Variants in PRKCA observed in about 807,000 individuals in gnomAD.
PRKCA encodes protein kinase C alpha type.
A neutral mutation model predicts 87.0 loss-of-function variants in PRKCA; 27 were observed. The observed-to-expected ratio is 0.31, with a 90% CI of 0.23 to 0.43. The LOEUF (loss-of-function observed/expected upper bound fraction) is 0.43. Ranked by LOEUF, PRKCA falls within the 20% of genes least tolerant of loss-of-function variation. The probability of loss-of-function intolerance (pLI) is 1.00; values close to 1 mark genes in which losing one functional copy is unlikely to be tolerated. For synonymous variants in PRKCA, 329 were observed against 311.1 expected, an observed-to-expected ratio of 1.06 and a Z score of -0.61; for missense variants, 518 against 852.3, an observed-to-expected ratio of 0.61 and a Z score of 4.88.
At chr17:66,535,386 G>A (rs772045547) in intron 3 of PRKCA, among the ~76,000 whole-genome samples, 3 of 152,168 alleles carry the variant, frequency 2.0e-5, no homozygotes, top group Non-Finnish European at 4.4e-5. Context: ...GCCAACATAT[G>A]GCAGAAAAGA....
chr17:66,317,150 A>C (rs1273758300), intron 2 of PRKCA, among the ~76,000 whole-genome samples: 1 of 152,064 alleles, frequency 6.6e-6, no homozygotes, highest in Non-Finnish European at 1.5e-5. Context: ...TCAAAAAAAA[A>C]AAAAAAAATC....
chr17:66,735,223 T>G (rs1026604784), intron 9 of PRKCA, among the ~76,000 whole-genome samples: 4 of 152,362 alleles, frequency 2.6e-5, no homozygotes, highest in African/African-American at 7.2e-5. Flanking sequence ...GTATTCATTT[T>G]AGCAGCCAAA....
chr17:66,307,738 T>C (rs981365454), intron 2 of PRKCA, among the ~76,000 whole-genome samples: 2 of 152,138 alleles, frequency 1.3e-5, no homozygotes, highest in Non-Finnish European at 1.5e-5. Context: ...GAACTTTTAG[T>C]GGATTAGCAG....
At chr17:66,638,708 C>T (rs1040439499) in intron 3 of PRKCA, among the ~76,000 whole-genome samples, 2 of 152,024 alleles carry the variant, frequency 1.3e-5, no homozygotes, top group Admixed American at 6.5e-5. Flanking sequence ...ATTAGCCAGG[C>T]GTGGTAGTGG....
At chr17:66,549,168 C>T (rs944704355) in intron 3 of PRKCA, among the ~76,000 whole-genome samples, 3 of 149,048 alleles carry the variant, frequency 2.0e-5, no homozygotes, top group African/African-American at 7.4e-5. Flanking sequence ...TTACAATAAC[C>T]ACAGGAAGTC....
chr17:66,666,464 C>T (rs1015900617), intron 5 of PRKCA, among the ~76,000 whole-genome samples: 5 of 152,180 alleles, frequency 3.3e-5, no homozygotes, highest in Non-Finnish European at 7.3e-5. Flanking sequence ...TCATACTGGA[C>T]ACAAGCTGGT....
intron 2 of PRKCA, among the ~76,000 whole-genome samples, chr17:66,443,449 G>A (rs756510870): frequency 7.2e-5 from 11 of 152,180 alleles, no homozygotes; most frequent in East Asian, 3.8e-4. Context: ...CAGGAAGCCC[G>A]TTTGCTCTGG....
At chr17:66,798,008 T>G (rs952023990) in intron 16 of PRKCA, among the ~76,000 whole-genome samples, 1 of 152,236 alleles carries the variant, frequency 6.6e-6, no homozygotes, top group Non-Finnish European at 1.5e-5. Flanking sequence ...CAGCCACACC[T>G]GCCCGCTGTC....
chr17:66,506,288 C>G (rs1036948147), intron 3 of PRKCA, among the ~76,000 whole-genome samples: 1 of 148,020 alleles, frequency 6.8e-6, no homozygotes, highest in East Asian at 2.1e-4. Flanking sequence ...ACGGTGAGAC[C>G]CCGTCTAAAA....
At chr17:66,416,539 T>C (rs1374898229) in intron 2 of PRKCA, 1 of 152,252 alleles carries the variant, frequency 6.6e-6, no homozygotes, top group African/African-American at 2.4e-5. Context: ...TTTCAAGGAC[T>C]GACCTTAATT....
intron 2 of PRKCA, among the ~76,000 whole-genome samples, chr17:66,460,507 C>T (rs568067036): frequency 1.1e-4 from 16 of 152,242 alleles, no homozygotes; most frequent in African/African-American, 3.9e-4. Flanking sequence ...GTGTTTTGTG[C>T]GTTTTTATTT....
At position 66,562,592 on chromosome 17, in the gene PRKCA, T is replaced by TGTTGTTG. The variant is rs910588489; in HGVS notation, c.288+66309_288+66310insGTTGTTG. ...AAATAATAGCTAAGTTTTGTTTTTT[T>TGTTGTTG]TTGTTGTTGTTGTTGTTGTTTTTTG... On this transcript the variant is annotated intron_variant, in intron 3 of 16. Transcript: ENST00000413366. Among the ~76,000 whole-genome samples, 853 of 150,834 alleles carry TGTTGTTG rather than the reference T, an allele frequency of 5.7e-3. 10 individuals carry two copies. The highest frequency in any genetic ancestry group is 0.019 in the African/African-American group (773 of 40,802).
At chr17:66,425,279 A>C (rs929787321) in intron 2 of PRKCA, among the ~76,000 whole-genome samples, 4 of 151,806 alleles carry the variant, frequency 2.6e-5, no homozygotes, top group Non-Finnish European at 5.9e-5. Flanking sequence ...CACCTCCACC[A>C]ACATCCACAG....
At chr17:66,317,834 A>G (rs989698622) in intron 2 of PRKCA, among the ~76,000 whole-genome samples, 21 of 152,234 alleles carry the variant, frequency 1.4e-4, no homozygotes, top group Non-Finnish European at 2.9e-4. Flanking sequence ...ATGCAACTAT[A>G]CATCCTAAGT....
At chr17:66,538,859 G>A (rs1275160463) in intron 3 of PRKCA, among the ~76,000 whole-genome samples, 3 of 152,152 alleles carry the variant, frequency 2.0e-5, no homozygotes, top group Non-Finnish European at 4.4e-5. Flanking sequence ...GTGCCCAGAG[G>A]ACCCAGGAGG....
At chr17:66,731,516 A>T (rs1973893487) in intron 8 of PRKCA, among the ~76,000 whole-genome samples, 2 of 152,002 alleles carry the variant, frequency 1.3e-5, no homozygotes, top group South Asian at 4.1e-4. Context: ...CAAAATTCGG[A>T]GTCTTGTGCT....
At chr17:66,738,350 G>A (rs1974085756) in intron 10 of PRKCA, among the ~76,000 whole-genome samples, 1 of 152,176 alleles carries the variant, frequency 6.6e-6, no homozygotes. Flanking sequence ...CCCAGACACT[G>A]CAAACCAGCC....
At chr17:66,399,283 G>C (rs899576188) in intron 2 of PRKCA, among the ~76,000 whole-genome samples, 12 of 151,654 alleles carry the variant, frequency 7.9e-5, no homozygotes, top group Non-Finnish European at 1.0e-4. Flanking sequence ...ATGGGATTTC[G>C]CCCCATTGTC....
In PRKCA at chr17:66,451,727, G is replaced by T. The variant is rs1325893553; in HGVS notation, c.206-44474G>T. Among the ~76,000 whole-genome samples the T allele has an allele frequency of 3.3e-5, 5 of 152,232 alleles. No homozygotes were observed. In the South Asian group the frequency reaches 8.3e-4, roughly 25 times the overall value. On this transcript the variant is annotated intron_variant, in intron 2 of 16. Coordinates refer to ENST00000413366, the MANE Select transcript of PRKCA (RefSeq NM_002737.3). Reference sequence around the variant, plus strand: ...CGAGAGATGGAGAGGAGGGGCCGGGGCAAGGAAGGATCCCTAGGTCTGCCT... The same window carrying T: ...CGAGAGATGGAGAGGAGGGGCCGGGTCAAGGAAGGATCCCTAGGTCTGCCT...
Sources: gnomAD v4.1 joint callset for allele counts (sites outside exome capture counted in the v4.1 genomes callset) on GRCh38, gnomAD v4.1.1 for gene constraint, MANE v1.5 for transcripts, NCBI Gene and HGNC (gene_info 2026-07-23, HGNC 2026-07-21) for gene names.